PDE7B: variants seen among roughly 807,000 people sequenced by gnomAD.
PDE7B encodes the protein phosphodiesterase 7B, also known as 3',5'-cyclic-AMP phosphodiesterase 7B.
In PDE7B, 29 loss-of-function variants were observed where a neutral mutation model predicts 56.2. The ratio of observed to expected loss-of-function variants is 0.52; its 90% CI spans 0.38 to 0.70. The LOEUF (loss-of-function observed/expected upper bound fraction) is 0.70. Among genes scored for constraint, PDE7B ranks in the 30% least tolerant of loss-of-function variants. The probability of loss-of-function intolerance (pLI) is 0.00; values close to 1 mark genes in which losing one functional copy is unlikely to be tolerated. For missense variants in PDE7B, 490 were observed against 565.0 expected (o/e 0.87, Z 1.35); for synonymous variants, 197 against 196.9 (o/e 1.00, Z 0.00).
At chr6:135,893,751 G>T (rs1387800475) in intron 1 of PDE7B, among the ~76,000 whole-genome samples, 1 of 152,066 alleles carries the variant, frequency 6.6e-6, no homozygotes, top group East Asian at 1.9e-4. Context: ...GCACATAGCA[G>T]GTATCTAATT....
chr6:136,023,802 C>T (rs1776109470), intron 2 of PDE7B, among the ~76,000 whole-genome samples: 1 of 144,854 alleles, frequency 6.9e-6, no homozygotes, highest in Non-Finnish European at 1.6e-5. Flanking sequence ...ATAGATATAT[C>T]TATATATGTA....
intron 8 of PDE7B, among the ~76,000 whole-genome samples, chr6:136,162,833 T>C (rs959276464): frequency 2.0e-5 from 3 of 152,210 alleles, no homozygotes; most frequent in Admixed American, 6.5e-5. Context: ...CAAAATCCAA[T>C]AGGGCAGTCA....
intron 12 of PDE7B, among the ~76,000 whole-genome samples, chr6:136,190,754 ATCAAACAAT>A (rs1286693959): frequency 6.6e-6 from 1 of 152,238 alleles, no homozygotes; most frequent in Non-Finnish European, 1.5e-5. Context: ...GAAGTCTCAT[ATCAAACAAT>A]CTTATCTAGT....
chr6:135,911,789 A>G (rs912386215), intron 1 of PDE7B, among the ~76,000 whole-genome samples: 14 of 152,344 alleles, frequency 9.2e-5, no homozygotes, highest in African/African-American at 3.4e-4. Context: ...GAGATGTACT[A>G]CAAGACTTCA....
chr6:136,002,265 G>T (rs9483899), intron 2 of PDE7B, among the ~76,000 whole-genome samples: 1 of 152,086 alleles, frequency 6.6e-6, no homozygotes, highest in African/African-American at 2.4e-5. Context: ...TGTCAAGACC[G>T]TCAAGGCTAG....
intron 5 of PDE7B, 123 bp downstream of exon 5, chr6:136,149,273 C>T (rs1446646917): frequency 5.8e-6 from 4 of 687,172 alleles, no homozygotes; most frequent in Non-Finnish European, 1.0e-5. Context: ...TTTTCATAAA[C>T]CTACAGCTAC....
intron 1 of PDE7B, among the ~76,000 whole-genome samples, chr6:135,908,728 A>G (rs909027570): frequency 6.6e-6 from 1 of 152,226 alleles, no homozygotes; most frequent in Non-Finnish European, 1.5e-5. Context: ...ACAAGTATCC[A>G]ATTTGTTCCC....
At chr6:135,946,068 T>G (rs566220919) in intron 1 of PDE7B, among the ~76,000 whole-genome samples, 3 of 152,078 alleles carry the variant, frequency 2.0e-5, no homozygotes, top group Non-Finnish European at 4.4e-5. Flanking sequence ...TCATTGCATG[T>G]TTTTTGCTTT....
chr6:135,904,191 G>T (rs1402236464), intron 1 of PDE7B, among the ~76,000 whole-genome samples: 1 of 152,156 alleles, frequency 6.6e-6, no homozygotes, highest in African/African-American at 2.4e-5. Flanking sequence ...CTTTGCCAAA[G>T]ACTAAATTAT....
intron 2 of PDE7B, among the ~76,000 whole-genome samples, chr6:136,075,769 GTTACATAACAAGTCC>G (rs1387751968): frequency 6.6e-6 from 1 of 152,128 alleles, no homozygotes; most frequent in Non-Finnish European, 1.5e-5. Context: ...AACGACCTGG[GTTACATAACAAGTCC>G]TTACAGAACA....
intron 3 of PDE7B, among the ~76,000 whole-genome samples, chr6:136,125,337 G>A (rs1778004955): frequency 6.6e-6 from 1 of 152,108 alleles, no homozygotes; most frequent in Non-Finnish European, 1.5e-5. Flanking sequence ...ACTGTGGGAG[G>A]CCAAGGCAGG....
At chr6:136,144,024 G>GA (rs1354143530) in intron 3 of PDE7B, among the ~76,000 whole-genome samples, 2 of 151,628 alleles carry the variant, frequency 1.3e-5, no homozygotes, top group African/African-American at 2.4e-5. Context: ...TAAAGAATAT[G>GA]AAAAAAAGGA....
intron 1 of PDE7B, among the ~76,000 whole-genome samples, chr6:135,890,473 T>C (rs1365043048): frequency 6.6e-6 from 1 of 152,212 alleles, no homozygotes; most frequent in African/African-American, 2.4e-5. Context: ...TTTGTCCTAC[T>C]GGAGATAAAA....
intron 2 of PDE7B, among the ~76,000 whole-genome samples, chr6:136,013,963 C>T (rs762549571): frequency 7.2e-5 from 11 of 152,146 alleles, no homozygotes; most frequent in Admixed American, 1.3e-4. Context: ...TTTCTCTGAG[C>T]GGTTCTTCCT....
At chr6:136,148,916 G>C (rs375072881) in intron 4 of PDE7B, among the ~76,000 whole-genome samples, 171 bp from the exon 5 acceptor site, 1 of 152,084 alleles carries the variant, frequency 6.6e-6, no homozygotes, top group Non-Finnish European at 1.5e-5. Context: ...TTTGTGTCAC[G>C]CTGAGGCATT....
rs561310596 is a variant in PDE7B at position 136,038,790 on chromosome 6, C to T, written c.83-69941C>T. Among the ~76,000 whole-genome samples, 382 of 152,262 alleles carry T rather than the reference C, an allele frequency of 2.5e-3. 3 individuals carry two copies. Among genetic ancestry groups the T allele is most frequent in the Non-Finnish European group, 4.2e-3 (284 of 68,020 alleles). On this transcript the variant is annotated intron_variant, in intron 2 of 12. Coordinates refer to ENST00000308191, the MANE Select transcript of PDE7B (RefSeq NM_018945.4). ...TGCTTGCCCTTTGGGCTTGCACAAG[C>T]CAAATTTCCTGAGTTTCAGTCCCCA...
At chr6:135,859,862 A>G (rs1040860347) in intron 1 of PDE7B, among the ~76,000 whole-genome samples, 33 of 152,060 alleles carry the variant, frequency 2.2e-4, no homozygotes, top group African/African-American at 7.5e-4. Context: ...AAATGGCAAT[A>G]ATGAGTAATA....
intron 3 of PDE7B, among the ~76,000 whole-genome samples, chr6:136,110,787 A>T (rs1777733420): frequency 1.3e-5 from 2 of 151,918 alleles, no homozygotes; most frequent in African/African-American, 4.8e-5. Context: ...AAAATAAATA[A>T]CATTTAAAGA....
intron 2 of PDE7B, among the ~76,000 whole-genome samples, chr6:135,996,347 A>C (rs1775564482): frequency 6.6e-6 from 1 of 152,230 alleles, no homozygotes; most frequent in Non-Finnish European, 1.5e-5. Context: ...AATATGTTTG[A>C]GCTAAAAATT....
Sources: gnomAD v4.1 joint callset for allele counts (sites outside exome capture counted in the v4.1 genomes callset) on GRCh38, gnomAD v4.1.1 for gene constraint, MANE v1.5 for transcripts, NCBI Gene and HGNC (gene_info 2026-07-23, HGNC 2026-07-21) for gene names.